DOCK5: variants seen among roughly 807,000 people sequenced by gnomAD.
The protein encoded by DOCK5 is dedicator of cytokinesis protein 5.
DOCK5 carries 142 observed loss-of-function variants against 251.8 expected under a neutral mutation model. That is an observed-to-expected ratio of 0.56 (90% confidence interval 0.49 to 0.65). The LOEUF is 0.65. DOCK5 is among the 30% of genes least tolerant of loss of function. The pLI is 0.00. For missense variants in DOCK5, 2,111 were observed against 2,312.3 expected (o/e 0.91, Z 1.79); for synonymous variants, 842 against 835.5 (o/e 1.01, Z -0.13).
chr8:25,351,812 C>T lies in DOCK5; in HGVS notation c.2836C>T (p.Gln946Ter), dbSNP rs763920073. Residue 946 changes from glutamine (Q) to a stop codon, truncating the protein, a stop_gained, in exon 27 of 52, where the codon CAG becomes TAG. Transcript: ENST00000276440. LOFTEE classifies it high-confidence loss of function. ...INRTVIGMNR[Q>*]SPHIGSFVAC... is the part of the protein sequence containing the mutation. ...CCGGACAGTGATTGGGATGAACCGG[C>T]AGTCTCCCCACATCGTGAGTATCTC... 1 of 1,613,594 alleles carries T rather than the reference C, an allele frequency of 6.2e-7. No homozygotes were observed. The highest frequency in any genetic ancestry group is 1.3e-5 in the African/African-American group (1 of 74,928).
chr8:25,352,253 A>AAGGG (rs796810674), intron 27 of DOCK5, among the ~76,000 whole-genome samples: 40 of 131,666 alleles, frequency 3.0e-4, no homozygotes, highest in African/African-American at 9.1e-4. Flanking sequence ...GCAGGGAGGG[A>AAGGG]AGGGAGGGAG....
intron 39 of DOCK5, among the ~76,000 whole-genome samples, chr8:25,380,771 G>A (rs1474746307): frequency 6.6e-6 from 1 of 152,178 alleles, no homozygotes; most frequent in East Asian, 1.9e-4. Flanking sequence ...CATCAGTAAA[G>A]CAAAACAAAA....
At position 25,293,309 on chromosome 8, in the gene DOCK5, A is replaced by C. The variant is rs777894756; in HGVS notation, c.470+1137A>C. ...CTATTAAAATATAGATCATTATGCC[A>C]CTTATTTAAATGTCATAGACTCTGA... On this transcript the variant is annotated intron_variant, in intron 6 of 51. Coordinates refer to ENST00000276440, the MANE Select transcript of DOCK5 (RefSeq NM_024940.8). Among the ~76,000 whole-genome samples, 85 of 152,246 alleles carry C rather than the reference A, an allele frequency of 5.6e-4. 1 individual carries two copies. Among genetic ancestry groups the C allele is most frequent in the Non-Finnish European group, 8.4e-4 (57 of 68,010 alleles).
At chr8:25,348,997 T>G (rs1454607483) in intron 26 of DOCK5, among the ~76,000 whole-genome samples, 2 of 152,158 alleles carry the variant, frequency 1.3e-5, no homozygotes, top group Non-Finnish European at 2.9e-5. Context: ...GTTATGTAAA[T>G]GGAAGTGAAA....
intron 15 of DOCK5, 30 bp from the exon 16 acceptor site, chr8:25,320,950 G>A: frequency 6.3e-7 from 1 of 1,591,768 alleles, no homozygotes; most frequent in Non-Finnish European, 8.6e-7. Flanking sequence ...CTGTGTGTCT[G>A]TAAACTATTA....
chr8:25,191,777 T>C (rs1057052508), intron 1 of DOCK5, among the ~76,000 whole-genome samples: 8 of 151,336 alleles, frequency 5.3e-5, no homozygotes, highest in African/African-American at 1.9e-4. Context: ...ATTATATATA[T>C]ATATTTATTA....
chr8:25,191,998 G>A (rs1232917476), intron 1 of DOCK5, among the ~76,000 whole-genome samples: 3 of 144,128 alleles, frequency 2.1e-5, no homozygotes, highest in African/African-American at 7.8e-5. Flanking sequence ...GTTCCCACCT[G>A]TGAGTGAGAA....
intron 12 of DOCK5, 109 bp downstream of exon 12, chr8:25,309,034 C>G: frequency 6.9e-7 from 1 of 1,439,924 alleles, no homozygotes; most frequent in Admixed American, 2.3e-5. Flanking sequence ...ACAAAACAGC[C>G]TCTGCTGGGG....
chr8:25,265,228 G>A (rs904048996), intron 2 of DOCK5, among the ~76,000 whole-genome samples: 2 of 151,992 alleles, frequency 1.3e-5, no homozygotes, highest in African/African-American at 2.4e-5. Flanking sequence ...AGAATATTTG[G>A]TGGTGTGGAC....
intron 38 of DOCK5, among the ~76,000 whole-genome samples, chr8:25,377,943 C>T (rs1800994436): frequency 6.7e-6 from 1 of 150,284 alleles, no homozygotes; most frequent in South Asian, 2.1e-4. Flanking sequence ...TGGGGTCTCA[C>T]CAGTTGCCCA....
intron 26 of DOCK5, among the ~76,000 whole-genome samples, chr8:25,348,196 C>T (rs1261084679): frequency 6.6e-6 from 1 of 152,108 alleles, no homozygotes; most frequent in African/African-American, 2.4e-5. Flanking sequence ...GTTCTTCCTG[C>T]CTTTTGTTTT....
chr8:25,193,650 C>T (rs1586216986), intron 1 of DOCK5, among the ~76,000 whole-genome samples: 1 of 151,820 alleles, frequency 6.6e-6, no homozygotes, highest in Non-Finnish European at 1.5e-5. Flanking sequence ...TGTGGTCCCA[C>T]CTACTTGGGA....
intron 9 of DOCK5, 150 bp downstream of exon 9, chr8:25,300,807 G>C (rs1343951944): frequency 1.3e-6 from 1 of 794,558 alleles, no homozygotes; most frequent in Non-Finnish European, 1.9e-6. Flanking sequence ...TATTCAACAT[G>C]TACTTCAATG....
At chr8:25,208,336 G>A (rs1802050847) in intron 1 of DOCK5, among the ~76,000 whole-genome samples, 1 of 152,172 alleles carries the variant, frequency 6.6e-6, no homozygotes. Flanking sequence ...TTTGAAAGAA[G>A]TTATACTGTG....
chr8:25,284,118 A>G (rs1436809534), intron 5 of DOCK5, among the ~76,000 whole-genome samples: 1 of 152,236 alleles, frequency 6.6e-6, no homozygotes, highest in African/African-American at 2.4e-5. Flanking sequence ...ACTTGGATGC[A>G]GAAGGCTACT....
chr8:25,219,123 C>T (rs1413553069), intron 1 of DOCK5, among the ~76,000 whole-genome samples: 1 of 152,162 alleles, frequency 6.6e-6, no homozygotes, highest in Non-Finnish European at 1.5e-5. Context: ...GCTCTTCTAC[C>T]TGGCTACTTC....
At chr8:25,329,703 A>T (rs1369746530) in intron 18 of DOCK5, among the ~76,000 whole-genome samples, 2 of 152,168 alleles carry the variant, frequency 1.3e-5, no homozygotes, top group African/African-American at 4.8e-5. Flanking sequence ...ATACCAGGAG[A>T]CGTATGAGAA....
At chr8:25,336,407 T>C in intron 22 of DOCK5, 34 bp downstream of exon 22, 1 of 1,605,844 alleles carries the variant, frequency 6.2e-7, no homozygotes, top group Non-Finnish European at 8.5e-7. Context: ...GTTTAGATTA[T>C]CAGCTGTCAC....
chr8:25,194,937 TG>T, intron 1 of DOCK5, among the ~76,000 whole-genome samples: 1 of 151,700 alleles, frequency 6.6e-6, no homozygotes, highest in Middle Eastern at 3.4e-3. Flanking sequence ...TTTTTTCTTT[TG>T]GGGACGGAGT....
Sources: allele counts gnomAD v4.1 joint callset (sites outside exome capture counted in the v4.1 genomes callset), GRCh38; gene constraint gnomAD v4.1.1; transcripts MANE v1.5; gene names NCBI Gene and HGNC (gene_info 2026-07-23, HGNC 2026-07-21).